IMMP2L: variants seen among roughly 807,000 people sequenced by gnomAD.
The protein encoded by IMMP2L is mitochondrial inner membrane protease subunit 2.
A neutral mutation model predicts 19.3 loss-of-function variants in IMMP2L; 18 were observed. The observed-to-expected ratio is 0.93, with a 90% confidence interval of 0.64 to 1.38. The LOEUF (loss-of-function observed/expected upper bound fraction) is 1.38. Ranked by LOEUF, IMMP2L falls within the 40% of genes most tolerant of loss-of-function variation. The pLI, the probability that IMMP2L is intolerant of heterozygous loss-of-function variation, is 0.00. For synonymous variants in IMMP2L, 76 were observed against 73.0 expected (o/e 1.04, Z -0.21); for missense variants, 233 against 218.2 (o/e 1.07, Z -0.43).
intron 3 of IMMP2L, among the ~76,000 whole-genome samples, chr7:111,100,852 A>G (rs1586264394): frequency 6.6e-6 from 1 of 151,790 alleles, no homozygotes; most frequent in Non-Finnish European, 1.5e-5. Context: ...GACCATAAAT[A>G]TCTTGCAAAT....
At chr7:111,066,028 G>T (rs564912457) in intron 3 of IMMP2L, among the ~76,000 whole-genome samples, 1 of 143,350 alleles carries the variant, frequency 7.0e-6, no homozygotes, top group Admixed American at 7.2e-5. Flanking sequence ...TCCCAGGCTT[G>T]AGTGCTATGG....
intron 3 of IMMP2L, among the ~76,000 whole-genome samples, chr7:111,016,291 T>C (rs1825517340): frequency 6.7e-6 from 1 of 148,858 alleles, no homozygotes; most frequent in South Asian, 2.1e-4. Flanking sequence ...ACTTGAATAT[T>C]GTCTTCCTTC....
intron 3 of IMMP2L, among the ~76,000 whole-genome samples, chr7:111,145,832 C>T: frequency 6.6e-6 from 1 of 151,978 alleles, no homozygotes; most frequent in East Asian, 1.9e-4. Flanking sequence ...AATAAATAAA[C>T]AAATAAAAAC....
chr7:110,834,405 T>A (rs1490065773), intron 5 of IMMP2L, among the ~76,000 whole-genome samples: 1 of 150,768 alleles, frequency 6.6e-6, no homozygotes, highest in Non-Finnish European at 1.5e-5. Context: ...ATATATATAG[T>A]GTATATGTAA....
chr7:111,007,725 ATGCATG>A (rs1465757874), intron 3 of IMMP2L, among the ~76,000 whole-genome samples: 1 of 152,008 alleles, frequency 6.6e-6, no homozygotes, highest in East Asian at 1.9e-4. Context: ...ACTTATATAT[ATGCATG>A]TGTGTGTGTG....
intron 5 of IMMP2L, among the ~76,000 whole-genome samples, chr7:110,833,435 G>A (rs1407318725): frequency 4.0e-5 from 3 of 75,112 alleles, no homozygotes; most frequent in Non-Finnish European, 5.1e-5. Context: ...GTGAAACTTC[G>A]TCTCAAAAAA....
intron 5 of IMMP2L, among the ~76,000 whole-genome samples, chr7:110,844,118 C>A (rs1805393224): frequency 6.6e-6 from 1 of 152,156 alleles, no homozygotes; most frequent in African/African-American, 2.4e-5. Flanking sequence ...AAAGAGAAGC[C>A]TCTGGATTCC....
chr7:111,341,001 T>C (rs542112161), intron 3 of IMMP2L, among the ~76,000 whole-genome samples: 1 of 152,244 alleles, frequency 6.6e-6, no homozygotes, highest in African/African-American at 2.4e-5. Flanking sequence ...CTGGAAAAGT[T>C]CATCAAGCTG....
At chr7:111,533,634 A>C (rs1311112468) in intron 1 of IMMP2L, among the ~76,000 whole-genome samples, 1 of 152,212 alleles carries the variant, frequency 6.6e-6, no homozygotes, top group Non-Finnish European at 1.5e-5. Flanking sequence ...ATGTTGAAAC[A>C]ATTAGCTACA....
intron 5 of IMMP2L, among the ~76,000 whole-genome samples, chr7:110,814,206 T>C (rs1291205787): frequency 6.6e-6 from 1 of 151,996 alleles, no homozygotes; most frequent in African/African-American, 2.4e-5. Flanking sequence ...AGTTTTCCTC[T>C]CTGGAGAATT....
intron 3 of IMMP2L, among the ~76,000 whole-genome samples, chr7:111,107,644 G>C (rs1563249968): frequency 6.6e-6 from 1 of 152,042 alleles, no homozygotes; most frequent in Non-Finnish European, 1.5e-5. Flanking sequence ...CACTAGTAAA[G>C]TAATAATCTC....
chr7:110,931,986 C>G (rs35939355), intron 4 of IMMP2L, among the ~76,000 whole-genome samples: 6,031 of 152,216 alleles, frequency 0.04, 397 homozygotes, highest in African/African-American at 0.14. Context: ...TAGCCTGGGT[C>G]GACTTCCCTG....
intron 3 of IMMP2L, among the ~76,000 whole-genome samples, chr7:111,270,528 AG>A (rs1818342397): frequency 6.6e-6 from 1 of 152,192 alleles, no homozygotes; most frequent in Non-Finnish European, 1.5e-5. Context: ...TTCACTATAA[AG>A]AAAAAAATTT....
At chr7:111,439,938 A>T (rs1464630312) in intron 3 of IMMP2L, among the ~76,000 whole-genome samples, 1 of 151,912 alleles carries the variant, frequency 6.6e-6, no homozygotes, top group Non-Finnish European at 1.5e-5. Flanking sequence ...TAGCATCTTC[A>T]CCAGGCATAG....
chr7:111,420,207 G>C (rs544554939), intron 3 of IMMP2L, among the ~76,000 whole-genome samples: 2 of 151,784 alleles, frequency 1.3e-5, no homozygotes, highest in South Asian at 4.2e-4. Flanking sequence ...ATAAATAATA[G>C]AAATTAAATA....
At chr7:111,387,617 T>C (rs2131293966) in intron 3 of IMMP2L, among the ~76,000 whole-genome samples, 1 of 152,242 alleles carries the variant, frequency 6.6e-6, no homozygotes, top group South Asian at 2.1e-4. Flanking sequence ...TTGCCTTGCA[T>C]AACAGAATCT....
chr7:110,989,451 G>A lies in IMMP2L; in HGVS notation c.240-25886C>T, dbSNP rs536829865. On this transcript the variant is annotated intron_variant, in intron 3 of 5. Transcript: ENST00000405709. ...GGTCCCAGCAACTCGGGAGGCTGAG[G>A]TGGGAGGATCAGGTGAGCCTAGGAG... Among the ~76,000 whole-genome samples, 283 of 149,436 alleles carry A rather than the reference G, an allele frequency of 1.9e-3. 2 individuals are homozygous for A. The highest frequency in any genetic ancestry group is 6.7e-3 in the African/African-American group (273 of 40,584).
chr7:111,445,570 C>T (rs1190426259), intron 3 of IMMP2L, among the ~76,000 whole-genome samples: 1 of 152,182 alleles, frequency 6.6e-6, no homozygotes, highest in African/African-American at 2.4e-5. Flanking sequence ...AATTCAAGCA[C>T]GTTCTCTAAG....
chr7:111,356,491 G>A (rs959053829), intron 3 of IMMP2L, among the ~76,000 whole-genome samples: 3 of 152,042 alleles, frequency 2.0e-5, no homozygotes, highest in Non-Finnish European at 4.4e-5. Flanking sequence ...GAGCATCCTC[G>A]GATTCTGGTA....
Sources: allele counts gnomAD v4.1 joint callset (sites outside exome capture counted in the v4.1 genomes callset), GRCh38; gene constraint gnomAD v4.1.1; transcripts MANE v1.5; gene names NCBI Gene and HGNC (gene_info 2026-07-23, HGNC 2026-07-21).